KIAA1217: variants seen among roughly 807,000 people sequenced by gnomAD.
KIAA1217 encodes KIAA1217.
A neutral mutation model predicts 163.9 loss-of-function variants in KIAA1217; 88 were observed. The ratio of observed to expected loss-of-function variants is 0.54; its 90% CI spans 0.45 to 0.64. The LOEUF (loss-of-function observed/expected upper bound fraction) is 0.64, where lower values mean the gene tolerates loss of function less well. Among genes scored for constraint, KIAA1217 ranks in the 30% least tolerant of loss-of-function variants. The pLI is 0.00. For synonymous variants in KIAA1217, 903 were observed against 923.1 expected (o/e 0.98, Z 0.39); for missense variants, 2,372 against 2,475.0 (o/e 0.96, Z 0.88).
At chr10:23,823,942 G>C (rs1221323007) in intron 1 of KIAA1217, among the ~76,000 whole-genome samples, 1 of 151,890 alleles carries the variant, frequency 6.6e-6, no homozygotes. Context: ...GGAAAGGAAG[G>C]GAAGGAACTG....
chr10:24,519,466 C>T (rs904076762), intron 10 of KIAA1217, among the ~76,000 whole-genome samples: 2 of 152,056 alleles, frequency 1.3e-5, no homozygotes, highest in African/African-American at 4.8e-5. Context: ...TCAGTATAAA[C>T]CAGAGGTTCT....
intron 3 of KIAA1217, among the ~76,000 whole-genome samples, chr10:24,402,533 A>AAAC (rs1480438402): frequency 1.3e-5 from 2 of 151,364 alleles, no homozygotes; most frequent in African/African-American, 4.9e-5. Context: ...CAAAACAAAA[A>AAAC]AAAAAAAAAG....
intron 14 of KIAA1217, among the ~76,000 whole-genome samples, chr10:24,529,745 T>C (rs1340115262): frequency 6.6e-6 from 1 of 151,644 alleles, no homozygotes; most frequent in Non-Finnish European, 1.5e-5. Context: ...GTGACTTTCC[T>C]CTCACAGTCC....
intron 8 of KIAA1217, among the ~76,000 whole-genome samples, chr10:24,498,096 A>G (rs368747672): frequency 1.1e-4 from 17 of 152,158 alleles, no homozygotes; most frequent in African/African-American, 4.1e-4. Flanking sequence ...TGAAGGCGTT[A>G]GTATGTGGAT....
chr10:23,735,940 C>T (rs1044027903), intron 1 of KIAA1217, among the ~76,000 whole-genome samples: 6 of 152,328 alleles, frequency 3.9e-5, no homozygotes, highest in South Asian at 4.1e-4. Flanking sequence ...ATTTCATTCT[C>T]TCTTGATTAA....
intron 2 of KIAA1217, chr10:24,255,275 C>T (rs1425268470): frequency 3.5e-6 from 1 of 287,110 alleles, no homozygotes; most frequent in Non-Finnish European, 6.9e-6. Context: ...CTAAACCCCA[C>T]CCAGGTGGCA....
At position 24,185,144 on chromosome 10, in the gene KIAA1217, A is replaced by G. The variant is rs765529037; in HGVS notation, c.-170-34482A>G. ...CATCTAGAAGGGAAACTTCTTTGCT[A>G]AAGAGGGAACTCTCAGAATCACCAT... On this transcript the variant is annotated intron_variant, in intron 2 of 18. Transcript: ENST00000376462. 8.4e-4 allele frequency among the ~76,000 whole-genome samples: 128 copies of G among 152,178 alleles called. 1 individual carries two copies. The highest frequency in any genetic ancestry group is 1.4e-3 in the Non-Finnish European group (96 of 68,038).
chr10:23,831,190 G>T lies in KIAA1217; in HGVS notation c.-321+135956G>T, dbSNP rs7074606. ...TTAAAGAGTTCAAACAGGGGAAATT[G>T]ACATAGACAATGATTTTGTGGATAT... On this transcript the variant is annotated intron_variant, in intron 1 of 18. Transcript: ENST00000376462. Among the ~76,000 whole-genome samples the T allele has an allele frequency of 7.0e-3, 1,069 of 151,736 alleles. 19 individuals are homozygous for T. Among genetic ancestry groups the T allele is most frequent in the African/African-American group, 0.025 (1,025 of 41,334 alleles).
At chr10:23,993,734 T>C (rs1846333685) in intron 1 of KIAA1217, among the ~76,000 whole-genome samples, 1 of 151,776 alleles carries the variant, frequency 6.6e-6, no homozygotes, top group African/African-American at 2.4e-5. Context: ...TTTTGTGTTT[T>C]CATCAAAAAT....
At chr10:23,961,564 G>A (rs1180380657) in intron 1 of KIAA1217, among the ~76,000 whole-genome samples, 2 of 152,174 alleles carry the variant, frequency 1.3e-5, no homozygotes, top group Non-Finnish European at 2.9e-5. Context: ...ATTTTCCCAT[G>A]TGTTCTTATA....
At chr10:24,141,225 AC>A (rs34205608) in intron 2 of KIAA1217, among the ~76,000 whole-genome samples, 4,478 of 76,098 alleles carry the variant, frequency 0.059, 155 homozygotes, top group African/African-American at 0.089. Flanking sequence ...GAAAGAATAA[AC>A]CCCCCCCCCC....
chr10:24,206,253 A>G (rs541049123), upstream of KIAA1217, among the ~76,000 whole-genome samples: 44 of 152,372 alleles, frequency 2.9e-4, no homozygotes, highest in South Asian at 8.9e-3. Context: ...AGCAAATTTC[A>G]AAGTATAGCA....
chr10:23,829,487 A>T (rs1196751271), intron 1 of KIAA1217, among the ~76,000 whole-genome samples: 2 of 152,218 alleles, frequency 1.3e-5, no homozygotes, highest in Non-Finnish European at 2.9e-5. Flanking sequence ...CTTCACAGTG[A>T]TCTGGAATTT....
Position 24,521,815 on chromosome 10 carries a change from C to A in KIAA1217, c.2342C>A (p.Ala781Asp). The stretch of plus-strand genomic sequence containing the variant: ...CCAACCTTACAAAACAAGATGCGAG[C>A]CATCCTGCGCATAGAAGTGGAGGCC... ...EFPTLQNKMR[A>D]ILRIEVEAVR... is the part of the protein sequence containing the mutation. The change falls in exon 12 of 21, where the codon GCC becomes GAC. Residue 781 changes from alanine to aspartate, a missense_variant. Physicochemically the swap from Ala to Asp is moderately radical, Grantham distance 126 (BLOSUM62 -2). This residue lies in a region of KIAA1217 where 1,431 missense variants were observed against 1,470.3 expected (regional missense o/e 0.97). Coordinates refer to ENST00000376454, the MANE Select transcript of KIAA1217 (RefSeq NM_019590.5). 2 of 1,613,460 alleles carry A rather than the reference C, an allele frequency of 1.2e-6. No homozygotes were observed. The highest frequency in any genetic ancestry group is 1.7e-6 in the Non-Finnish European group (2 of 1,179,926).
Position 23,695,649 on chromosome 10 carries a change from G to T in KIAA1217, c.-321+415G>T, listed in dbSNP as rs1172529760. ...TTTTTCACTCGGGGCTGCGAAGAGG[G>T]CATTGCTCTTTCTGATGGCTGGAAG... is the stretch of plus-strand genomic sequence containing the variant. On this transcript the variant is annotated intron_variant, in intron 1 of 18. Coordinates refer to the KIAA1217 transcript ENST00000376462. The surrounding 1 kb of genome is among the most constrained non-coding windows in gnomAD (Gnocchi z 4.9). 2.0e-5 allele frequency among the ~76,000 whole-genome samples: 3 copies of T among 152,170 alleles called. No homozygotes were observed. The highest frequency in any genetic ancestry group is 2.1e-4 in the South Asian group (1 of 4,826).
chr10:24,133,550 C>T (rs12783458), intron 2 of KIAA1217, among the ~76,000 whole-genome samples: 1 of 149,040 alleles, frequency 6.7e-6, no homozygotes, highest in Non-Finnish European at 1.5e-5. Context: ...CCAGCCTGGG[C>T]GACAGAGCGA....
chr10:24,418,313 C>G (rs1288151863), intron 3 of KIAA1217, among the ~76,000 whole-genome samples: 1 of 152,144 alleles, frequency 6.6e-6, no homozygotes, highest in Non-Finnish European at 1.5e-5. Context: ...TTCCTGGGAT[C>G]CCGACTTTTG....
intron 2 of KIAA1217, among the ~76,000 whole-genome samples, chr10:24,143,549 T>C (rs7101122): frequency 0.022 from 3,397 of 152,220 alleles, 119 homozygotes; most frequent in African/African-American, 0.074. Flanking sequence ...AGGCATGAGC[T>C]ACCAGGCCCG....
chr10:24,004,757 A>G (rs1360360870), intron 1 of KIAA1217, among the ~76,000 whole-genome samples: 1 of 152,246 alleles, frequency 6.6e-6, no homozygotes, highest in Non-Finnish European at 1.5e-5. Flanking sequence ...TCACATGCAG[A>G]AAGGGAAAAG....
Sources: allele counts gnomAD v4.1 joint callset (sites outside exome capture counted in the v4.1 genomes callset), GRCh38; gene constraint gnomAD v4.1.1; regional missense constraint gnomAD v4.1.1; non-coding constraint Gnocchi (gnomAD v3.1); transcripts MANE v1.5; gene names NCBI Gene and HGNC (gene_info 2026-07-23, HGNC 2026-07-21).